The following CCDC60 variants were observed in gnomAD, a reference collection of about 807,000 sequenced individuals.
CCDC60 encodes the protein coiled-coil domain containing 60.
Under a neutral mutation model 63.5 loss-of-function variants are expected in CCDC60, and 54 were observed. The ratio of observed to expected loss-of-function variants is 0.85; its 90% CI spans 0.68 to 1.07. CCDC60 has a LOEUF of 1.07. Among genes scored for constraint, CCDC60 ranks in the 50% least tolerant of loss-of-function variants. CCDC60 has a pLI of 0.00. For synonymous variants in CCDC60, 206 were observed against 238.8 expected (o/e 0.86, Z 1.27); for missense variants, 651 against 684.3 (o/e 0.95, Z 0.54).
intron 7 of CCDC60, among the ~76,000 whole-genome samples, chr12:119,516,034 G>A (rs1030611184): frequency 2.6e-5 from 4 of 152,144 alleles, no homozygotes; most frequent in Non-Finnish European, 4.4e-5. Context: ...GGGATAAAAA[G>A]AGAAGCTGGA....
In CCDC60 at chr12:119,461,109, C is replaced by A. The variant is rs543883010; in HGVS notation, c.171-10885C>A. ...GCTGTTATGACCATCATTTACCTAA[C>A]CTTTTCTCTGTTTTCTCATCTGTAA... On this transcript the variant is annotated intron_variant, in intron 2 of 13. Coordinates refer to ENST00000327554, the MANE Select transcript of CCDC60 (RefSeq NM_178499.5). 3.9e-5 allele frequency among the ~76,000 whole-genome samples: 6 copies of A among 152,168 alleles called. No individual in the cohort carries two copies. In the South Asian group the frequency reaches 8.3e-4, roughly 21 times the overall value.
At chr12:119,498,885 C>G (rs1372852970) in intron 5 of CCDC60, among the ~76,000 whole-genome samples, 1 of 152,152 alleles carries the variant, frequency 6.6e-6, no homozygotes, top group Non-Finnish European at 1.5e-5. Flanking sequence ...ACCCACTTCC[C>G]CATAGCCACA....
chr12:119,521,830 G>T (rs535460237), intron 9 of CCDC60, among the ~76,000 whole-genome samples: 1 of 152,304 alleles, frequency 6.6e-6, no homozygotes, highest in African/African-American at 2.4e-5. Context: ...TCCCCCAAAG[G>T]ATTCATCTGC....
At chr12:119,349,825 A>G (rs1172794097) in intron 1 of CCDC60, among the ~76,000 whole-genome samples, 1 of 152,170 alleles carries the variant, frequency 6.6e-6, no homozygotes, top group African/African-American at 2.4e-5. Flanking sequence ...GGGATTATCT[A>G]ATCAACCCAA....
chr12:119,481,341 C>G (rs1951314314), intron 4 of CCDC60, among the ~76,000 whole-genome samples: 1 of 152,186 alleles, frequency 6.6e-6, no homozygotes, highest in Non-Finnish European at 1.5e-5. Context: ...ATGGACAAGA[C>G]TTCTGAAACC....
chr12:119,480,063 T>C (rs2136347194), intron 4 of CCDC60, among the ~76,000 whole-genome samples: 1 of 148,976 alleles, frequency 6.7e-6, no homozygotes. Context: ...TGAGAACCAC[T>C]GCTTTAGGGC....
intron 1 of CCDC60, among the ~76,000 whole-genome samples, chr12:119,387,036 A>T (rs10849650): frequency 0.4 from 22,676 of 56,666 alleles, 2,368 homozygotes; most frequent in Middle Eastern, 0.5. Context: ...TGTCTCTCTC[A>T]CACACACACA....
chr12:119,415,909 G>A (rs1208256365), intron 1 of CCDC60, among the ~76,000 whole-genome samples: 1 of 152,148 alleles, frequency 6.6e-6, no homozygotes, highest in Admixed American at 6.5e-5. Context: ...GCAGGCTGTA[G>A]TTTGCTGATC....
chr12:119,357,444 C>A (rs1331886359), intron 1 of CCDC60, among the ~76,000 whole-genome samples: 1 of 150,808 alleles, frequency 6.6e-6, no homozygotes, highest in East Asian at 1.9e-4. Flanking sequence ...CTATTCTCTA[C>A]TTCATGAGAT....
At chr12:119,452,224 T>C (rs1950646631) in intron 2 of CCDC60, among the ~76,000 whole-genome samples, 1 of 152,232 alleles carries the variant, frequency 6.6e-6, no homozygotes, top group Non-Finnish European at 1.5e-5. Flanking sequence ...ATTGTGGCCC[T>C]GACAATTAGC....
chr12:119,365,508 T>TTGTG (rs374333162), intron 1 of CCDC60, among the ~76,000 whole-genome samples: 3 of 151,620 alleles, frequency 2.0e-5, no homozygotes, highest in African/African-American at 4.8e-5. Context: ...ATGTCAACTT[T>TTGTG]TGTGTGTGTG....
chr12:119,483,012 CAG>C (rs1951359923), intron 4 of CCDC60, among the ~76,000 whole-genome samples: 1 of 152,156 alleles, frequency 6.6e-6, no homozygotes, highest in South Asian at 2.1e-4. Flanking sequence ...AGGGCAATGA[CAG>C]TGATGATGAT....
In CCDC60 at chr12:119,418,386, C is replaced by CTTTTTTTT. The variant is rs556783132; in HGVS notation, c.91-10258_91-10251dup. 1.0e-3 allele frequency among the ~76,000 whole-genome samples: 68 copies of CTTTTTTTT among 65,728 alleles called. 5 individuals carry two copies. Among genetic ancestry groups the CTTTTTTTT allele is most frequent in the Non-Finnish European group, 1.7e-3 (64 of 37,226 alleles). 43.1% of individuals were successfully genotyped at this position (65,728 alleles called of 152,430 possible). A position where few individuals can be genotyped will look rare whatever the true frequency, so the allele number is the denominator to read the frequency against. ...TCTTTCTTTTTCCTTTTCTTTCTTT[C>CTTTTTTTT]TTTTTTTTTTTTTTTTTTTTTTTTT... On this transcript the variant is annotated intron_variant, in intron 1 of 13. Transcript: ENST00000327554.
intron 1 of CCDC60, among the ~76,000 whole-genome samples, chr12:119,350,402 G>T (rs1955644615): frequency 6.6e-6 from 1 of 151,798 alleles, no homozygotes; most frequent in Non-Finnish European, 1.5e-5. Flanking sequence ...GTTTCACCAT[G>T]CTGTATTTTT....
At chr12:119,442,335 G>C (rs1409472927) in intron 2 of CCDC60, among the ~76,000 whole-genome samples, 1 of 152,204 alleles carries the variant, frequency 6.6e-6, no homozygotes, top group Non-Finnish European at 1.5e-5. Flanking sequence ...AAATGGGCCA[G>C]GTGCGGTGGC....
intron 13 of CCDC60, among the ~76,000 whole-genome samples, chr12:119,534,607 T>C (rs1566068595): frequency 6.6e-6 from 1 of 152,240 alleles, no homozygotes; most frequent in Non-Finnish European, 1.5e-5. Context: ...CATAGTTTAT[T>C]GAGAGTTTTT....
chr12:119,499,831 A>G (rs1415255618), intron 5 of CCDC60, among the ~76,000 whole-genome samples: 1 of 152,174 alleles, frequency 6.6e-6, no homozygotes, highest in African/African-American at 2.4e-5. Context: ...GATGCAAAAA[A>G]CATGCAAATA....
At chr12:119,520,020 T>A in intron 8 of CCDC60, 101 bp from the exon 9 acceptor site, 1 of 974,126 alleles carries the variant, frequency 1.0e-6, no homozygotes, top group Non-Finnish European at 1.6e-6. Context: ...GTCTGAAGAT[T>A]CTTGCTCTAG....
At chr12:119,537,792 G>A (rs1050479399) in intron 13 of CCDC60, among the ~76,000 whole-genome samples, 14 of 152,182 alleles carry the variant, frequency 9.2e-5, no homozygotes, top group Non-Finnish European at 1.6e-4. Context: ...TGGAAGCTTC[G>A]TCCCAAAGGG....
Sources: allele counts gnomAD v4.1 joint callset (sites outside exome capture counted in the v4.1 genomes callset), GRCh38; gene constraint gnomAD v4.1.1; transcripts MANE v1.5; gene names NCBI Gene and HGNC (gene_info 2026-07-23, HGNC 2026-07-21).